The following NKAIN2 variants were observed in gnomAD, a reference collection of about 807,000 sequenced individuals.
The protein encoded by NKAIN2 is sodium/potassium transporting ATPase interacting 2.
A neutral mutation model predicts 32.6 loss-of-function variants in NKAIN2; 14 were observed. The ratio of observed to expected loss-of-function variants is 0.43; its 90% CI spans 0.28 to 0.67. The LOEUF is 0.67. NKAIN2 is among the 30% of genes least tolerant of loss of function. The pLI is 0.17. For synonymous variants in NKAIN2, 80 were observed against 87.2 expected, an observed-to-expected ratio of 0.92 and a Z score of 0.46; for missense variants, 198 against 258.3, an observed-to-expected ratio of 0.77 and a Z score of 1.60.
intron 4 of NKAIN2, among the ~76,000 whole-genome samples, chr6:124,790,813 C>T (rs2114806507): frequency 6.6e-6 from 1 of 152,210 alleles, no homozygotes; most frequent in Admixed American, 6.6e-5. Context: ...CGTCACTTCT[C>T]TGTAACATAT....
At chr6:124,349,371 A>T (rs932655300) in intron 2 of NKAIN2, among the ~76,000 whole-genome samples, 1 of 151,892 alleles carries the variant, frequency 6.6e-6, no homozygotes, top group Admixed American at 6.6e-5. Context: ...TTCTCCAGGG[A>T]CCCCTTTTTA....
chr6:124,262,968 T>G (rs1238467875), intron 1 of NKAIN2, among the ~76,000 whole-genome samples: 1 of 152,142 alleles, frequency 6.6e-6, no homozygotes, highest in Non-Finnish European at 1.5e-5. Context: ...GGAAAGCTCT[T>G]TAAGGGATAT....
chr6:124,035,013 G>A (rs182715597), intron 1 of NKAIN2, among the ~76,000 whole-genome samples: 281 of 151,954 alleles, frequency 1.8e-3, no homozygotes, highest in African/African-American at 6.0e-3. Flanking sequence ...ACTGACTTTC[G>A]GATAGCATGA....
rs1554222341 is a variant in NKAIN2 at position 123,911,787 on chromosome 6, A to ATGTATATATATATG, written c.54+107534_54+107535insGTATATATATATGT. On this transcript the variant is annotated intron_variant, in intron 1 of 6. Coordinates refer to ENST00000368417, the MANE Select transcript of NKAIN2 (RefSeq NM_001040214.3). ...GTCGTATATATACATACATACATAT[A>ATGTATATATATATG]TATATATATATATGTATATATATAT... Among the ~76,000 whole-genome samples the ATGTATATATATATG allele has an allele frequency of 1.1e-4, 8 of 71,268 alleles. 1 individual carries two copies. Among genetic ancestry groups the ATGTATATATATATG allele is most frequent in the African/African-American group, 4.3e-4 (8 of 18,778 alleles). The allele number at this position is 71,268 out of a possible 152,430, so 46.8% of individuals were successfully genotyped here.
At chr6:124,717,243 T>C (rs1396559156) in intron 4 of NKAIN2, among the ~76,000 whole-genome samples, 2 of 152,346 alleles carry the variant, frequency 1.3e-5, no homozygotes, top group Admixed American at 6.5e-5. Flanking sequence ...ATTGTAGCAC[T>C]ATTAAGTGTT....
intron 4 of NKAIN2, among the ~76,000 whole-genome samples, chr6:124,707,190 A>C (rs993116777): frequency 6.6e-6 from 1 of 152,100 alleles, no homozygotes; most frequent in Non-Finnish European, 1.5e-5. Flanking sequence ...TTATGGCTGC[A>C]TAGTATTCCA....
At chr6:124,249,469 A>G (rs1232598250) in intron 1 of NKAIN2, among the ~76,000 whole-genome samples, 3 of 152,162 alleles carry the variant, frequency 2.0e-5, no homozygotes, top group Admixed American at 6.6e-5. Context: ...ATGTCAATTT[A>G]TGGTCCAGGT....
At chr6:124,210,821 C>T (rs939854459) in intron 1 of NKAIN2, among the ~76,000 whole-genome samples, 2 of 151,444 alleles carry the variant, frequency 1.3e-5, no homozygotes, top group African/African-American at 4.8e-5. Context: ...CTGAACTTAT[C>T]AGTTCAATTA....
intron 1 of NKAIN2, among the ~76,000 whole-genome samples, chr6:123,815,597 G>A (rs1017543336): frequency 7.2e-5 from 11 of 152,050 alleles, no homozygotes; most frequent in Non-Finnish European, 1.5e-4. Context: ...AGGAAAATGG[G>A]CTTCAAAAAC....
At chr6:124,765,604 T>C (rs1331987996) in intron 4 of NKAIN2, among the ~76,000 whole-genome samples, 1 of 152,224 alleles carries the variant, frequency 6.6e-6, no homozygotes, top group East Asian at 1.9e-4. Context: ...CCTCTTAAGT[T>C]GTTTTTGAAA....
chr6:124,241,939 C>A (rs561877284), intron 1 of NKAIN2, among the ~76,000 whole-genome samples: 1 of 151,982 alleles, frequency 6.6e-6, no homozygotes, highest in South Asian at 2.1e-4. Context: ...GACCTAAAAC[C>A]ATAAAAACCC....
intron 3 of NKAIN2, among the ~76,000 whole-genome samples, chr6:124,396,999 T>G (rs1254532792): frequency 6.6e-6 from 1 of 152,122 alleles, no homozygotes; most frequent in Non-Finnish European, 1.5e-5. Flanking sequence ...ATGATTTTAC[T>G]TTTTTATCTG....
At chr6:124,407,660 G>A (rs1773928594) in intron 3 of NKAIN2, among the ~76,000 whole-genome samples, 1 of 151,924 alleles carries the variant, frequency 6.6e-6, no homozygotes. Flanking sequence ...AAACATACGT[G>A]TGCATGTGTC....
chr6:124,374,525 C>T (rs1031200932), intron 3 of NKAIN2, among the ~76,000 whole-genome samples: 5 of 152,104 alleles, frequency 3.3e-5, no homozygotes, highest in South Asian at 2.1e-4. Flanking sequence ...ATCAGCGTCA[C>T]GCTCTTTTGA....
At chr6:123,816,562 A>G (rs1773703742) in intron 1 of NKAIN2, among the ~76,000 whole-genome samples, 1 of 152,208 alleles carries the variant, frequency 6.6e-6, no homozygotes, top group Non-Finnish European at 1.5e-5. Flanking sequence ...TTGGAATGAA[A>G]AAGCAGAAAA....
intron 5 of NKAIN2, among the ~76,000 whole-genome samples, chr6:124,806,511 C>T (rs1164156041): frequency 6.6e-6 from 1 of 152,000 alleles, no homozygotes; most frequent in East Asian, 1.9e-4. Flanking sequence ...AAAGGCACAA[C>T]CGGTACCAGC....
At chr6:124,736,666 A>G (rs1188922273) in intron 4 of NKAIN2, among the ~76,000 whole-genome samples, 1 of 151,936 alleles carries the variant, frequency 6.6e-6, no homozygotes, top group African/African-American at 2.4e-5. Flanking sequence ...GCAACAACAA[A>G]GCCTGAATGA....
chr6:124,358,852 C>T (rs1291103619), intron 3 of NKAIN2, among the ~76,000 whole-genome samples: 1 of 151,288 alleles, frequency 6.6e-6, no homozygotes, highest in Non-Finnish European at 1.5e-5. Flanking sequence ...TTGCCCATGC[C>T]TATGTCCTGA....
chr6:124,806,715 C>T (rs1780582327), intron 5 of NKAIN2, among the ~76,000 whole-genome samples: 1 of 152,046 alleles, frequency 6.6e-6, no homozygotes, highest in South Asian at 2.1e-4. Flanking sequence ...AGAGTCAAGA[C>T]CCATCAGTGT....
Sources: gnomAD v4.1 joint callset for allele counts (sites outside exome capture counted in the v4.1 genomes callset) on GRCh38, gnomAD v4.1.1 for gene constraint, MANE v1.5 for transcripts, NCBI Gene and HGNC (gene_info 2026-07-23, HGNC 2026-07-21) for gene names.